The following GPBP1 variants were observed in gnomAD, a reference collection of about 807,000 sequenced individuals.
The protein encoded by GPBP1 is vasculin.
Under a neutral mutation model 56.5 loss-of-function variants are expected in GPBP1, and 13 were observed. The observed-to-expected ratio is 0.23, with a 90% CI of 0.15 to 0.37. The LOEUF (loss-of-function observed/expected upper bound fraction) is 0.37. Ranked by LOEUF, GPBP1 falls within the 10% of genes least tolerant of loss-of-function variation. The probability of loss-of-function intolerance (pLI) is 1.00; values close to 1 mark genes in which losing one functional copy is unlikely to be tolerated. For synonymous variants in GPBP1, 204 were observed against 188.9 expected (o/e 1.08, Z -0.66); for missense variants, 477 against 572.3 (o/e 0.83, Z 1.70).
At chr5:57,230,757 T>G in intron 3 of GPBP1, 89 bp from the exon 4 acceptor site, 1 of 1,127,112 alleles carries the variant, frequency 8.9e-7, no homozygotes, top group Non-Finnish European at 1.3e-6. Flanking sequence ...CATTTAAAAT[T>G]TTTGGAAATA....
At chr5:57,229,880 T>C (rs1756365392) in intron 3 of GPBP1, among the ~76,000 whole-genome samples, 1 of 151,706 alleles carries the variant, frequency 6.6e-6, no homozygotes, top group Non-Finnish European at 1.5e-5. Context: ...ATTTTCTTTT[T>C]AGATTACTGA....
At chr5:57,211,514 A>G (rs1755474851) in intron 2 of GPBP1, among the ~76,000 whole-genome samples, 1 of 151,906 alleles carries the variant, frequency 6.6e-6, no homozygotes, top group African/African-American at 2.4e-5. Flanking sequence ...GATTTAAATT[A>G]AAGTTAATAT....
chr5:57,210,071 T>G (rs1438466331), intron 2 of GPBP1, among the ~76,000 whole-genome samples: 1 of 152,182 alleles, frequency 6.6e-6, no homozygotes, highest in Admixed American at 6.5e-5. Flanking sequence ...AAGTTTTTCT[T>G]TGAAAACGTG....
At chr5:57,251,470 T>A (rs1368900561) in intron 10 of GPBP1, among the ~76,000 whole-genome samples, 1 of 152,198 alleles carries the variant, frequency 6.6e-6, no homozygotes, top group Admixed American at 6.5e-5. Flanking sequence ...TTTATTTGCA[T>A]TGTAAGCACG....
chr5:57,261,404 T>TA, intron 11 of GPBP1, 122 bp downstream of exon 11: 6 of 611,218 alleles, frequency 9.8e-6, no homozygotes, highest in Non-Finnish European at 1.7e-5. Context: ...AGAATTGCTT[T>TA]TAAAAAAAAA....
chr5:57,216,265 A>G (rs1755694175), intron 3 of GPBP1, among the ~76,000 whole-genome samples: 1 of 151,888 alleles, frequency 6.6e-6, no homozygotes, highest in African/African-American at 2.4e-5. Context: ...AGTAAGGTGT[A>G]CCCCCCTTGT....
In GPBP1 at chr5:57,251,736, G is replaced by A. The variant is rs575976915; in HGVS notation, c.1160+595G>A. On this transcript the variant is annotated intron_variant, in intron 10 of 11. Transcript: ENST00000506184. Reference sequence around the variant, plus strand: ...TGAATTGCTGGGACATATGATAGTTGTGTTTCACATTTTTAGAAACTGACA... The same window carrying A: ...TGAATTGCTGGGACATATGATAGTTATGTTTCACATTTTTAGAAACTGACA... Among the ~76,000 whole-genome samples the A allele has an allele frequency of 4.6e-5, 7 of 152,140 alleles. No homozygotes were observed. The South Asian group carries it at 1.0e-3, about 23-fold the overall frequency.
intron 6 of GPBP1, chr5:57,237,632 T>C (rs1740599784): frequency 6.2e-6 from 1 of 161,232 alleles, no homozygotes; most frequent in East Asian, 1.7e-4. Flanking sequence ...GTACTTCCCA[T>C]AGGAATACAA....
At chr5:57,242,052 A>T (rs1445253007) in intron 6 of GPBP1, among the ~76,000 whole-genome samples, 1 of 152,220 alleles carries the variant, frequency 6.6e-6, no homozygotes, top group Non-Finnish European at 1.5e-5. Context: ...TACCATTAAG[A>T]ACACTTCTTT....
chr5:57,190,587 T>TAA (rs541358340), intron 2 of GPBP1, among the ~76,000 whole-genome samples: 1 of 135,110 alleles, frequency 7.4e-6, no homozygotes, highest in East Asian at 2.1e-4. Flanking sequence ...CCATCTCAGT[T>TAA]AAAAAAAAAA....
rs1579984904 is a variant in GPBP1 at position 57,191,619 on chromosome 5, T to C, written c.-58+15219T>C. Among the ~76,000 whole-genome samples, 4 of 151,482 alleles carry C rather than the reference T, an allele frequency of 2.6e-5. 1 individual carries two copies. In the South Asian group the frequency reaches 8.3e-4, roughly 32 times the overall value. On this transcript the variant is annotated intron_variant, in intron 2 of 11. Transcript: ENST00000506184. ...ACTCTATCACCAGGCTGGAGTGCAG[T>C]GGTGCGATCTCAGCTCACTGCAACC...
chr5:57,241,118 T>C (rs185846162), intron 6 of GPBP1, among the ~76,000 whole-genome samples: 1 of 152,182 alleles, frequency 6.6e-6, no homozygotes, highest in South Asian at 2.1e-4. Context: ...AAAATGAATT[T>C]CTAGGTAGTG....
In GPBP1 at chr5:57,230,919, G is replaced by A. The variant is rs781010392; in HGVS notation, c.137G>A (p.Arg46Gln). The change falls in exon 4 of 12, where the codon CGA becomes CAA. Residue 46 changes from arginine to glutamine, a missense_variant. Physicochemically the swap from Arg to Gln is conservative, Grantham distance 43 (BLOSUM62 1). Around this residue, in one of 2 missense-constraint regions of GPBP1, gnomAD observed 414 missense variants for 458.2 expected, o/e 0.90. Transcript: ENST00000506184. ...AATCGTTATGATGTGAACCGTCGACGACACAACTCTTCAGATGGCTTTGAT... is the reference window on the plus strand; with the variant it reads ...AATCGTTATGATGTGAACCGTCGACAACACAACTCTTCAGATGGCTTTGAT... ...TENRYDVNRR[R>Q]HNSSDGFDSA... is the part of the protein sequence containing the mutation. 2.5e-6 allele frequency: 4 copies of A among 1,612,396 alleles called. No homozygotes were observed. Among genetic ancestry groups the A allele is most frequent in the Admixed American group, 3.3e-5 (2 of 59,840 alleles).
chr5:57,189,542 G>C lies in GPBP1; in HGVS notation c.-58+13142G>C, dbSNP rs1754429234. Among the ~76,000 whole-genome samples the C allele has an allele frequency of 5.4e-5, 7 of 130,228 alleles. No individual in the cohort carries two copies. The South Asian group carries it at 1.8e-3, about 34-fold the overall frequency. The allele number at this position is 130,228 out of a possible 152,430, so 85.4% of individuals were successfully genotyped here. ...CAAAGTGCTGGGATTACAGGCCTGA[G>C]CCACTGCGCTCAGCCCACTTTTTTT... On this transcript the variant is annotated intron_variant, in intron 2 of 11. Transcript: ENST00000506184.
In GPBP1 at chr5:57,174,404, G is replaced by C. The variant is rs375921098; in HGVS notation, c.-1011+193G>C. ...GATAGGCCCCTCTAGGTATTGACTC[G>C]GCCCGGGTGGAGCGGAGGTGGTGGT... On this transcript the variant is annotated intron_variant, in intron 1 of 11. Transcript: ENST00000506184. Among the ~76,000 whole-genome samples the C allele has an allele frequency of 5.9e-5, 9 of 152,098 alleles. No homozygotes were observed. In the South Asian group the frequency reaches 1.2e-3, roughly 21 times the overall value.
At chr5:57,215,094 G>A (rs865995239) in intron 3 of GPBP1, among the ~76,000 whole-genome samples, 1 of 152,186 alleles carries the variant, frequency 6.6e-6, no homozygotes. Context: ...TTTGAACAGA[G>A]CATCTTACCT....
chr5:57,260,476 T>C (rs1580090645), intron 10 of GPBP1, among the ~76,000 whole-genome samples: 1 of 152,220 alleles, frequency 6.6e-6, no homozygotes, highest in African/African-American at 2.4e-5. Flanking sequence ...AGAATTCATG[T>C]TGATCTGATA....
At chr5:57,237,413 A>G in intron 6 of GPBP1, 1 of 462,484 alleles carries the variant, frequency 2.2e-6, no homozygotes, top group Non-Finnish European at 3.8e-6. Context: ...AGACAAAGAC[A>G]TATTTGAAAA....
At chr5:57,217,529 C>A (rs187542470) in intron 3 of GPBP1, among the ~76,000 whole-genome samples, 1 of 151,336 alleles carries the variant, frequency 6.6e-6, no homozygotes, top group African/African-American at 2.4e-5. Context: ...CGAGATTGTG[C>A]CATTGCACTC....
Sources: allele counts gnomAD v4.1 joint callset (sites outside exome capture counted in the v4.1 genomes callset), GRCh38; gene constraint gnomAD v4.1.1; regional missense constraint gnomAD v4.1.1; transcripts MANE v1.5; gene names NCBI Gene and HGNC (gene_info 2026-07-23, HGNC 2026-07-21).